Variants in UBFD1 observed in about 807,000 individuals in gnomAD.
The protein encoded by UBFD1 is ubiquitin domain-containing protein UBFD1.
In UBFD1, 12 loss-of-function variants were observed where a neutral mutation model predicts 35.1. The ratio of observed to expected loss-of-function variants is 0.34; its 90% CI spans 0.22 to 0.55. The LOEUF (loss-of-function observed/expected upper bound fraction) is 0.55. Among genes scored for constraint, UBFD1 ranks in the 20% least tolerant of loss-of-function variants. The probability of loss-of-function intolerance (pLI) is 0.89; values close to 1 mark genes in which losing one functional copy is unlikely to be tolerated. For synonymous variants in UBFD1, 178 were observed against 167.6 expected (o/e 1.06, Z -0.48); for missense variants, 337 against 410.8 (o/e 0.82, Z 1.55).
At chr16:23,562,076 C>A in intron 3 of UBFD1, 130 bp from the exon 4 acceptor site, 1 of 771,054 alleles carries the variant, frequency 1.3e-6, no homozygotes, top group South Asian at 1.8e-5. Flanking sequence ...TTCAAAGGAT[C>A]CATAGTCTGT....
At chr16:23,559,159 T>C (rs531148228) in intron 2 of UBFD1, 4 of 233,246 alleles carry the variant, frequency 1.7e-5, no homozygotes, top group Admixed American at 5.3e-5. Context: ...TTTAGATGAC[T>C]GAGGAACAAC....
In UBFD1 at chr16:23,572,122, C is replaced by T. The variant is rs1352323626; in HGVS notation, c.*1532C>T. 1 of 152,668 alleles carries T rather than the reference C, an allele frequency of 6.6e-6. No homozygotes were observed. Among genetic ancestry groups the T allele is most frequent in the Non-Finnish European group, 1.5e-5 (1 of 68,052 alleles). The allele number at this position is 152,668 out of a possible 1,614,324, so 9.5% of individuals were successfully genotyped here. On this transcript the variant is annotated 3_prime_UTR_variant, in exon 7 of 7. Coordinates refer to ENST00000395878, the MANE Select transcript of UBFD1 (RefSeq NM_019116.3). ...TAATGATGATATTCTACGCCCTTCC[C>T]TTCTAAGCTGTAGTTCAGGAATCCA...
intron 4 of UBFD1, 48 bp downstream of exon 4, chr16:23,562,319 C>T (rs771645818): frequency 3.2e-6 from 5 of 1,565,706 alleles, no homozygotes; most frequent in Admixed American, 3.4e-5. Context: ...GCAGCCCCAC[C>T]GTCTGACTTG....
Position 23,558,093 on chromosome 16 carries a change from G to A in UBFD1, c.169G>A (p.Ala57Thr), listed in dbSNP as rs756286806. 1.3e-6 allele frequency: 2 copies of A among 1,521,846 alleles called. No homozygotes were observed. The highest frequency in any genetic ancestry group is 1.4e-5 in the African/African-American group (1 of 69,306). The allele number at this position is 1,521,846 out of a possible 1,614,324, so 94.3% of individuals were successfully genotyped here. The change falls in exon 2 of 7, where the codon GCC becomes ACC. Residue 57 changes from alanine to threonine, a missense_variant. By Grantham distance (58) the Ala-to-Thr change is moderately conservative. Around this residue, in one of 4 missense-constraint regions of UBFD1, gnomAD observed 198 missense variants for 168.4 expected, o/e 1.18. Transcript: ENST00000395878. Reference sequence around the variant, plus strand: ...CGCCGCACGAGGCAGCCTGCAGCCGGCCCCGGCCCAGCCCCCTGGGGACCC... The same window carrying A: ...CGCCGCACGAGGCAGCCTGCAGCCGACCCCGGCCCAGCCCCCTGGGGACCC... ...SGAARGSLQPAPAQPPGDPAA... is the reference protein window; with the variant it reads ...SGAARGSLQPTPAQPPGDPAA...
At chr16:23,567,100 T>C (rs1597043602) in intron 6 of UBFD1, 31 bp downstream of exon 6, 1 of 1,593,748 alleles carries the variant, frequency 6.3e-7, no homozygotes, top group Non-Finnish European at 8.6e-7. Flanking sequence ...TCAGCCCCTC[T>C]CACTAGACTC....
intron 2 of UBFD1, 120 bp downstream of exon 2, chr16:23,558,399 CT>C: frequency 8.1e-7 from 1 of 1,242,096 alleles, no homozygotes; most frequent in Non-Finnish European, 1.1e-6. Flanking sequence ...CAGCAGTCTT[CT>C]GAAGGATACT....
At chr16:23,558,783 AT>A (rs5816218) in intron 2 of UBFD1, among the ~76,000 whole-genome samples, 29,319 of 136,744 alleles carry the variant, frequency 0.21, 2,992 homozygotes, top group African/African-American at 0.31. Flanking sequence ...TCTTTTTCCT[AT>A]TTTTTTTTTT....
intron 5 of UBFD1, chr16:23,566,015 T>C (rs923406723): frequency 6.6e-6 from 1 of 152,312 alleles, no homozygotes; most frequent in Non-Finnish European, 1.5e-5. Flanking sequence ...TGCCCCCTTC[T>C]CTTACCTGCC....
chr16:23,569,477 A>G (rs1219774000), intron 6 of UBFD1: 1 of 152,068 alleles, frequency 6.6e-6, no homozygotes, highest in Non-Finnish European at 1.5e-5. Context: ...ATCGCTTGAA[A>G]GTGGGAGGCG....
Position 23,570,810 on chromosome 16 carries a change from A to T in UBFD1, c.*220A>T. 2.4e-6 allele frequency: 1 copy of T among 422,270 alleles called. No individual in the cohort carries two copies. Among genetic ancestry groups the T allele is most frequent in the Non-Finnish European group, 4.3e-6 (1 of 235,130 alleles). The allele number at this position is 422,270 out of a possible 1,614,324, so 26.2% of individuals were successfully genotyped here. ...AGTTCCCTTTCTTGCAGTCAGCTTC[A>T]TACCATTTTTAAAGTCAATACGATG... On this transcript the variant is annotated 3_prime_UTR_variant, in exon 7 of 7. Coordinates refer to ENST00000395878, the MANE Select transcript of UBFD1 (RefSeq NM_019116.3).
intron 5 of UBFD1, 57 bp from the exon 6 acceptor site, chr16:23,566,930 A>G (rs1272904094): frequency 4.5e-6 from 7 of 1,554,048 alleles, no homozygotes; most frequent in Admixed American, 3.4e-5. Context: ...CTGCTGAGTC[A>G]GAGAAGTTAG....
chr16:23,563,433 C>G (rs993480315), intron 5 of UBFD1, among the ~76,000 whole-genome samples: 1 of 152,112 alleles, frequency 6.6e-6, no homozygotes, highest in East Asian at 1.9e-4. Context: ...TCCTCCCTCT[C>G]CCTTCCCCCA....
Position 23,558,146 on chromosome 16 carries a change from C to T in UBFD1, c.222C>T (p.Gly74=). 1.2e-6 allele frequency: 2 copies of T among 1,604,902 alleles called. No homozygotes were observed. Among genetic ancestry groups the T allele is most frequent in the Non-Finnish European group, 1.7e-6 (2 of 1,176,534 alleles). ...DPAAQASVSN[G]EDAGGGAGRE... ...CAGCCCAGGCCTCGGTCAGCAACGG[C>T]GAAGACGCGGGCGGCGGCGCGGGCA... Residue 74 remains glycine, a synonymous_variant, in exon 2 of 7, where the codon GGC becomes GGT. Transcript: ENST00000395878.
rs1597045737 is a variant in UBFD1 at position 23,570,382 on chromosome 16, T to G, written c.820-98T>G. On this transcript the variant is annotated intron_variant, in intron 6 of 6. Transcript: ENST00000395878. ...AGTTTTGTTTGGTTTTTCTTCCCTTTTTAATTAACTCACATCCCAACCCTC... is the reference window on the plus strand; with the variant it reads ...AGTTTTGTTTGGTTTTTCTTCCCTTGTTAATTAACTCACATCCCAACCCTC... 1.0e-5 allele frequency: 9 copies of G among 876,158 alleles called. No homozygotes were observed. In the East Asian group the frequency reaches 2.3e-4, roughly 22 times the overall value. The allele number at this position is 876,158 out of a possible 1,614,324, so 54.3% of individuals were successfully genotyped here.
intron 6 of UBFD1, among the ~76,000 whole-genome samples, 174 bp downstream of exon 6, chr16:23,567,243 C>T (rs1966023854): frequency 6.6e-6 from 1 of 152,126 alleles, no homozygotes; most frequent in Non-Finnish European, 1.5e-5. Flanking sequence ...GGCCTCTATT[C>T]CTAGTTCTGT....
At chr16:23,558,847 C>G (rs1233043473) in intron 2 of UBFD1, among the ~76,000 whole-genome samples, 1 of 150,142 alleles carries the variant, frequency 6.7e-6, no homozygotes, top group Non-Finnish European at 1.5e-5. Context: ...CTGGCACCAT[C>G]TTGGCTCACT....
At chr16:23,560,363 A>T (rs1485125843) in intron 3 of UBFD1, among the ~76,000 whole-genome samples, 1 of 152,176 alleles carries the variant, frequency 6.6e-6, no homozygotes. Flanking sequence ...ATTACTTGTT[A>T]TCTTTTTACC....
At chr16:23,560,034 T>C (rs1965906836) in intron 3 of UBFD1, 1 of 308,200 alleles carries the variant, frequency 3.2e-6, no homozygotes, top group Non-Finnish European at 4.7e-6. Flanking sequence ...TGCTTACATT[T>C]GGCTTTTTGG....
At chr16:23,564,486 C>T (rs1215753964) in intron 5 of UBFD1, 1 of 152,250 alleles carries the variant, frequency 6.6e-6, no homozygotes, top group Non-Finnish European at 1.5e-5. Flanking sequence ...TCATTCTCTT[C>T]TGTAGAGCCT....
Sources: allele counts gnomAD v4.1 joint callset (sites outside exome capture counted in the v4.1 genomes callset), GRCh38; gene constraint gnomAD v4.1.1; regional missense constraint gnomAD v4.1.1; transcripts MANE v1.5; gene names NCBI Gene and HGNC (gene_info 2026-07-23, HGNC 2026-07-21).